CDH18: variants seen among roughly 807,000 people sequenced by gnomAD.
CDH18 encodes the protein cadherin 18.
In CDH18, 31 loss-of-function variants were observed where a neutral mutation model predicts 67.9. The ratio of observed to expected loss-of-function variants is 0.46; its 90% CI spans 0.34 to 0.62. The LOEUF (loss-of-function observed/expected upper bound fraction) is 0.62. Among genes scored for constraint, CDH18 ranks in the 20% least tolerant of loss-of-function variants. The pLI, the probability that CDH18 is intolerant of heterozygous loss-of-function variation, is 0.01. For synonymous variants in CDH18, 362 were observed against 347.2 expected (o/e 1.04, Z -0.48); for missense variants, 890 against 975.5 (o/e 0.91, Z 1.17).
chr5:19,895,843 A>T (rs1789265025), intron 2 of CDH18, among the ~76,000 whole-genome samples: 1 of 152,156 alleles, frequency 6.6e-6, no homozygotes, highest in Non-Finnish European at 1.5e-5. Flanking sequence ...AGTAATTTCC[A>T]GGGGTGAGGG....
chr5:20,261,509 G>A (rs1314743906), intron 1 of CDH18, among the ~76,000 whole-genome samples: 3 of 152,246 alleles, frequency 2.0e-5, no homozygotes, highest in Admixed American at 2.0e-4. Flanking sequence ...GGGAGGCTGA[G>A]GCGGGCAGAT....
At chr5:19,651,664 A>T (rs1755601710) in intron 5 of CDH18, among the ~76,000 whole-genome samples, 1 of 152,114 alleles carries the variant, frequency 6.6e-6, no homozygotes, top group Admixed American at 6.6e-5. Context: ...CACCATGAAA[A>T]GGCCCTTGAG....
At chr5:20,329,460 TAAAG>T (rs762368376) in intron 1 of CDH18, among the ~76,000 whole-genome samples, 1 of 152,010 alleles carries the variant, frequency 6.6e-6, no homozygotes, top group Admixed American at 6.6e-5. Context: ...AAAATGCTGA[TAAAG>T]AGTCAGCCTT....
intron 1 of CDH18, among the ~76,000 whole-genome samples, chr5:20,501,594 T>TTATATATATA: frequency 2.8e-5 from 1 of 35,278 alleles, no homozygotes; most frequent in South Asian, 5.8e-4. Flanking sequence ...TATATATATA[T>TTATATATATA]TATATATATA....
intron 1 of CDH18, among the ~76,000 whole-genome samples, chr5:20,441,958 GA>G (rs756486838): frequency 4.6e-5 from 7 of 151,914 alleles, no homozygotes; most frequent in Non-Finnish European, 1.0e-4. Context: ...GAGAGAAACA[GA>G]AATGGTCAGG....
At chr5:20,409,339 G>A (rs957092149) in intron 1 of CDH18, among the ~76,000 whole-genome samples, 2 of 151,590 alleles carry the variant, frequency 1.3e-5, no homozygotes, top group South Asian at 4.1e-4. Flanking sequence ...ACCACAGTGG[G>A]ATAAAACTAG....
intron 1 of CDH18, among the ~76,000 whole-genome samples, chr5:20,376,662 T>C (rs908295502): frequency 6.6e-6 from 1 of 152,030 alleles, no homozygotes; most frequent in African/African-American, 2.4e-5. Context: ...GAACATGCCA[T>C]GATGTTCCTA....
At chr5:20,402,070 C>A (rs1745814487) in intron 1 of CDH18, among the ~76,000 whole-genome samples, 1 of 152,064 alleles carries the variant, frequency 6.6e-6, no homozygotes, top group South Asian at 2.1e-4. Flanking sequence ...TGTACCAAGC[C>A]TTACTTCACA....
chr5:20,272,998 T>C (rs1162257602), intron 1 of CDH18, among the ~76,000 whole-genome samples: 5 of 152,156 alleles, frequency 3.3e-5, no homozygotes, highest in African/African-American at 1.2e-4. Flanking sequence ...TAGATTTAAC[T>C]GTTTGTAAGC....
At chr5:20,155,516 T>C (rs533219348) in intron 2 of CDH18, among the ~76,000 whole-genome samples, 2 of 152,306 alleles carry the variant, frequency 1.3e-5, no homozygotes, top group African/African-American at 4.8e-5. Context: ...TCTCCTGTTC[T>C]GTAGGTTGTC....
At chr5:20,241,375 G>A (rs909355684) in intron 2 of CDH18, among the ~76,000 whole-genome samples, 4 of 152,104 alleles carry the variant, frequency 2.6e-5, no homozygotes, top group Non-Finnish European at 4.4e-5. Context: ...GCAGACGAGA[G>A]GCTTGGTGGA....
chr5:20,359,553 G>A (rs946365082), intron 1 of CDH18, among the ~76,000 whole-genome samples: 3 of 151,916 alleles, frequency 2.0e-5, no homozygotes, highest in Non-Finnish European at 4.4e-5. Flanking sequence ...TTTAAACTTC[G>A]GTGCCCCTGT....
At chr5:19,985,355 G>A (rs1320812371) in intron 1 of CDH18, among the ~76,000 whole-genome samples, 2 of 152,022 alleles carry the variant, frequency 1.3e-5, no homozygotes, top group Admixed American at 1.3e-4. Flanking sequence ...CCTTTGGTTT[G>A]GCTTAGAGCA....
chr5:20,232,261 T>C (rs780689940), intron 2 of CDH18, among the ~76,000 whole-genome samples: 13 of 152,224 alleles, frequency 8.5e-5, no homozygotes, highest in Non-Finnish European at 1.3e-4. Flanking sequence ...TTTGATAATT[T>C]TTCATGCTGT....
chr5:19,959,717 C>A (rs1796602363), intron 2 of CDH18, among the ~76,000 whole-genome samples: 2 of 152,000 alleles, frequency 1.3e-5, no homozygotes, highest in Admixed American at 1.3e-4. Flanking sequence ...TCATGCATCC[C>A]TTAATGACAG....
intron 5 of CDH18, among the ~76,000 whole-genome samples, chr5:19,713,675 T>TTAG (rs1354057418): frequency 9.2e-5 from 14 of 152,238 alleles, no homozygotes; most frequent in African/African-American, 3.4e-4. Context: ...GTTTTGGAAA[T>TTAG]ACAATTATCT....
At chr5:20,450,862 C>CTCAT (rs1368583858) in intron 1 of CDH18, among the ~76,000 whole-genome samples, 1 of 152,108 alleles carries the variant, frequency 6.6e-6, no homozygotes, top group Non-Finnish European at 1.5e-5. Flanking sequence ...CTAGGAAAGC[C>CTCAT]TCATAATCAT....
chr5:20,244,884 A>T (rs1370936819), intron 2 of CDH18, among the ~76,000 whole-genome samples: 1 of 152,156 alleles, frequency 6.6e-6, no homozygotes, highest in African/African-American at 2.4e-5. Flanking sequence ...AGAAACAGAC[A>T]TATCTAGTTT....
At chr5:20,258,272 A>C (rs1744394784) in intron 1 of CDH18, among the ~76,000 whole-genome samples, 1 of 152,164 alleles carries the variant, frequency 6.6e-6, no homozygotes, top group Non-Finnish European at 1.5e-5. Context: ...CAATAAGAAA[A>C]AAAATATGTA....
Sources: allele counts gnomAD v4.1 joint callset (sites outside exome capture counted in the v4.1 genomes callset), GRCh38; gene constraint gnomAD v4.1.1; transcripts MANE v1.5; gene names NCBI Gene and HGNC (gene_info 2026-07-23, HGNC 2026-07-21).